Variants in ARHGEF4 observed in about 807,000 individuals in gnomAD.
ARHGEF4 encodes APC-stimulated guanine nucleotide exchange factor 1.
Under a neutral mutation model 162.0 loss-of-function variants are expected in ARHGEF4, and 119 were observed. The observed-to-expected ratio is 0.73, with a 90% confidence interval of 0.63 to 0.86. The LOEUF (loss-of-function observed/expected upper bound fraction) is 0.86, where lower values mean the gene tolerates loss of function less well. ARHGEF4 is among the 40% of genes least tolerant of loss of function. The pLI, the probability that ARHGEF4 is intolerant of heterozygous loss-of-function variation, is 0.00. For missense variants in ARHGEF4, 2,488 were observed against 2,456.0 expected, an observed-to-expected ratio of 1.01 and a Z score of -0.28; for synonymous variants, 1,014 against 979.9, an observed-to-expected ratio of 1.03 and a Z score of -0.65.
At position 130,914,353 on chromosome 2, in the gene ARHGEF4, G is replaced by C; in HGVS notation, c.407G>C (p.Ser136Thr). The C allele has an allele frequency of 1.4e-6, 2 of 1,456,614 alleles. No individual in the cohort carries two copies. The highest frequency in any genetic ancestry group is 1.8e-6 in the Non-Finnish European group (2 of 1,110,244). The allele number at this position is 1,456,614 out of a possible 1,614,324, so 90.2% of individuals were successfully genotyped here. Reference protein sequence around the residue: ...HAKEELDLSPSLEDDSCKNGW... With the variant: ...HAKEELDLSPTLEDDSCKNGW... Reference sequence around the variant, plus strand: ...AAGGAAGAACTCGATTTGTCCCCTAGCTTAGAGGATGACTCTTGCAAAAAT... The same window carrying C: ...AAGGAAGAACTCGATTTGTCCCCTACCTTAGAGGATGACTCTTGCAAAAAT... Residue 136 changes from serine (S) to threonine (T), a missense_variant, in exon 2 of 14, where the codon AGC (serine) becomes ACC (threonine). By Grantham distance (58) the Ser-to-Thr change is moderately conservative. Coordinates refer to ENST00000409359, the MANE Select transcript of ARHGEF4 (RefSeq NM_001367493.1).
At chr2:130,877,116 C>T (rs1298249433) in intron 1 of ARHGEF4, among the ~76,000 whole-genome samples, 3 of 152,148 alleles carry the variant, frequency 2.0e-5, no homozygotes, top group Non-Finnish European at 4.4e-5. Context: ...CCGTGCATGC[C>T]CTCCAGCTCA....
chr2:131,033,369 G>A (rs573548380), intron 5 of ARHGEF4, among the ~76,000 whole-genome samples: 4 of 152,312 alleles, frequency 2.6e-5, no homozygotes, highest in African/African-American at 4.8e-5. Flanking sequence ...GAGGATGTGC[G>A]CAGCACTCAG....
chr2:130,884,593 G>A (rs1679396472), intron 1 of ARHGEF4, among the ~76,000 whole-genome samples: 1 of 152,224 alleles, frequency 6.6e-6, no homozygotes, highest in South Asian at 2.1e-4. Context: ...TACTTTGAGG[G>A]CTAAAGGGCA....
chr2:130,935,153 T>A (rs1037584177), intron 3 of ARHGEF4, among the ~76,000 whole-genome samples: 3 of 121,880 alleles, frequency 2.5e-5, no homozygotes, highest in Non-Finnish European at 3.8e-5. Context: ...TTTAATTTTT[T>A]ATCTATTTAT....
chr2:130,845,112 C>T (rs1456226820), intron 1 of ARHGEF4, among the ~76,000 whole-genome samples: 1 of 150,466 alleles, frequency 6.6e-6, no homozygotes, highest in Non-Finnish European at 1.5e-5. Context: ...GTGAGCCACC[C>T]GGCCCGCTAT....
At chr2:130,886,942 G>T (rs1022983149) in intron 1 of ARHGEF4, among the ~76,000 whole-genome samples, 1 of 151,700 alleles carries the variant, frequency 6.6e-6, no homozygotes, top group Non-Finnish European at 1.5e-5. Context: ...CAATCTATTT[G>T]TAGGCTCATG....
Position 130,897,730 on chromosome 2 carries a change from A to T in ARHGEF4, c.40-16256A>T, listed in dbSNP as rs922326865. 5.9e-5 allele frequency among the ~76,000 whole-genome samples: 9 copies of T among 152,304 alleles called. 1 individual carries two copies. Among genetic ancestry groups the T allele is most frequent in the African/African-American group, 2.2e-4 (9 of 41,568 alleles). ...CTTCCATCTCAAGATGAGGAAGCTG[A>T]GGTTCAGGCAGGTCAGGTCCCTGAC... On this transcript the variant is annotated intron_variant, in intron 1 of 13. Transcript: ENST00000409359.
intron 4 of ARHGEF4, among the ~76,000 whole-genome samples, chr2:130,994,013 C>T (rs1345953863): frequency 6.6e-6 from 1 of 152,176 alleles, no homozygotes; most frequent in African/African-American, 2.4e-5. Context: ...CTCGTGACCT[C>T]AGGTGATCCA....
chr2:131,005,710 C>T (rs368063781), intron 4 of ARHGEF4, among the ~76,000 whole-genome samples: 1 of 152,104 alleles, frequency 6.6e-6, no homozygotes, highest in Non-Finnish European at 1.5e-5. Flanking sequence ...GAGTGCCCAG[C>T]GCCCCAGGGG....
intron 1 of ARHGEF4, among the ~76,000 whole-genome samples, chr2:130,888,834 C>T (rs927026744): frequency 1.3e-5 from 2 of 152,064 alleles, no homozygotes; most frequent in Non-Finnish European, 2.9e-5. Flanking sequence ...GGCGCAGTGG[C>T]TCACGCCTGT....
Position 130,914,329 on chromosome 2 carries a change from A to C in ARHGEF4, c.383A>C (p.Lys128Thr). 4 of 1,474,852 alleles carry C rather than the reference A, an allele frequency of 2.7e-6. No homozygotes were observed. Among genetic ancestry groups the C allele is most frequent in the Non-Finnish European group, 2.7e-6 (3 of 1,117,166 alleles). The allele number at this position is 1,474,852 out of a possible 1,614,324, so 91.4% of individuals were successfully genotyped here. A position where few individuals can be genotyped will look rare whatever the true frequency, so the allele number is the denominator to read the frequency against. The part of the protein sequence containing the change: ...HLTSVPGLHA[K>T]EELDLSPSLE... The stretch of plus-strand genomic sequence containing the variant: ...ACCAGTGTTCCTGGGCTTCATGCAA[A>C]GGAAGAACTCGATTTGTCCCCTAGC... The change falls in exon 2 of 14, where the codon AAG becomes ACG. Residue 128 changes from lysine to threonine, a missense_variant. This residue lies in a region of ARHGEF4 where 171 missense variants were observed against 169.4 expected (regional missense o/e 1.01). Transcript: ENST00000409359.
At chr2:130,959,482 C>G (rs972209661) in intron 4 of ARHGEF4, among the ~76,000 whole-genome samples, 1 of 152,126 alleles carries the variant, frequency 6.6e-6, no homozygotes, top group African/African-American at 2.4e-5. Context: ...TATTCTGAGC[C>G]TCAGTTAATT....
chr2:130,935,860 A>G (rs1469527778), intron 3 of ARHGEF4, among the ~76,000 whole-genome samples: 1 of 152,242 alleles, frequency 6.6e-6, no homozygotes, highest in Non-Finnish European at 1.5e-5. Flanking sequence ...TGAGGTCAGG[A>G]GTTCGAGACC....
At chr2:130,936,127 G>C (rs964574806) in intron 3 of ARHGEF4, among the ~76,000 whole-genome samples, 1 of 152,192 alleles carries the variant, frequency 6.6e-6, no homozygotes, top group Non-Finnish European at 1.5e-5. Flanking sequence ...TCTGGAGAAT[G>C]TTCCATGTGT....
Position 130,881,428 on chromosome 2 carries a change from G to GT in ARHGEF4, c.40-32557dup, listed in dbSNP as rs561770566. Among the ~76,000 whole-genome samples, 164 of 152,274 alleles carry GT rather than the reference G, an allele frequency of 1.1e-3. 3 individuals are homozygous for GT. Among genetic ancestry groups the GT allele is most frequent in the African/African-American group, 3.7e-3 (155 of 41,574 alleles). On this transcript the variant is annotated intron_variant, in intron 1 of 13. Coordinates refer to ENST00000409359, the MANE Select transcript of ARHGEF4 (RefSeq NM_001367493.1). Reference sequence around the variant, plus strand: ...GATTAGTGTTGGGGGAGAGATGACAGTGAGTCAGAAACTAAAATCTTCAAG... The same window carrying GT: ...GATTAGTGTTGGGGGAGAGATGACAGTTGAGTCAGAAACTAAAATCTTCAAG...
intron 4 of ARHGEF4, among the ~76,000 whole-genome samples, chr2:131,026,494 A>C (rs1364605990): frequency 6.6e-6 from 1 of 152,200 alleles, no homozygotes; most frequent in African/African-American, 2.4e-5. Context: ...AGAAGTGAGG[A>C]AAGGAATGTG....
At chr2:131,008,015 GT>G (rs1688236356) in intron 4 of ARHGEF4, among the ~76,000 whole-genome samples, 4 of 151,808 alleles carry the variant, frequency 2.6e-5, no homozygotes, top group Admixed American at 2.6e-4. Context: ...GTTTCGCCAT[GT>G]TGGCCAGGCT....
chr2:131,035,543 G>T, intron 5 of ARHGEF4: 1 of 556,552 alleles, frequency 1.8e-6, no homozygotes, highest in Non-Finnish European at 2.4e-6. Flanking sequence ...AACCGAGGAT[G>T]CGGATTCAGC....
chr2:130,909,925 A>G (rs554327898), intron 1 of ARHGEF4, among the ~76,000 whole-genome samples: 14 of 152,216 alleles, frequency 9.2e-5, no homozygotes, highest in Admixed American at 2.0e-4. Flanking sequence ...AGAAATTCCC[A>G]GGACAAAAAA....
Sources: gnomAD v4.1 joint callset for allele counts (sites outside exome capture counted in the v4.1 genomes callset) on GRCh38, gnomAD v4.1.1 for gene constraint, gnomAD v4.1.1 regional missense constraint, MANE v1.5 for transcripts, NCBI Gene and HGNC (gene_info 2026-07-23, HGNC 2026-07-21) for gene names.